The following SIGLEC15 variants were observed in gnomAD, a reference collection of about 807,000 sequenced individuals.
The protein encoded by SIGLEC15 is sialic acid binding Ig like lectin 15.
SIGLEC15 carries 31 observed loss-of-function variants against 26.2 expected under a neutral mutation model. The observed-to-expected ratio is 1.18, with a 90% CI of 0.89 to 1.60. The LOEUF (loss-of-function observed/expected upper bound fraction) is 1.60. Among genes scored for constraint, SIGLEC15 ranks in the 40% most tolerant of loss-of-function variants. The pLI, the probability that SIGLEC15 is intolerant of heterozygous loss-of-function variation, is 0.00. For missense variants in SIGLEC15, 501 were observed against 488.4 expected (o/e 1.03, Z -0.24); for synonymous variants, 207 against 221.9 (o/e 0.93, Z 0.60).
At chr18:45,829,777 T>A (rs1314213644) in intron 1 of SIGLEC15, among the ~76,000 whole-genome samples, 1 of 152,122 alleles carries the variant, frequency 6.6e-6, no homozygotes, top group Non-Finnish European at 1.5e-5. Flanking sequence ...CCTGAGGGAC[T>A]CCAGCTCTGA....
rs2048297269 is a variant in SIGLEC15, at chr18:45,838,722, G to A, written c.501G>A (p.Ala167=). The A allele has an allele frequency of 6.4e-7, 1 of 1,574,312 alleles. No individual in the cohort carries two copies. The highest frequency in any genetic ancestry group is 8.6e-7 in the Non-Finnish European group (1 of 1,169,420). The change falls in exon 4 of 6, where the codon GCG becomes GCA. Residue 167 remains alanine, a synonymous_variant. Coordinates refer to ENST00000389474, the MANE Select transcript of SIGLEC15 (RefSeq NM_213602.3). ...RHGVRLHVTA[A]PRIVNISVLP... is the part of the protein sequence containing the mutation. ...CACCCGCCTTCTCCCCTGCAGCCGC[G>A]CCGCGGATCGTCAACATCTCGGTGC... is the stretch of plus-strand genomic sequence containing the variant.
Position 45,843,653 on chromosome 18 carries a change from T to A in SIGLEC15, c.*1466T>A, listed in dbSNP as rs534543. 3.9e-5 allele frequency: 6 copies of A among 152,108 alleles called. No homozygotes were observed. Among genetic ancestry groups the A allele is most frequent in the African/African-American group, 1.5e-4 (6 of 41,376 alleles). The allele number at this position is 152,108 out of a possible 1,614,324, so 9.4% of individuals were successfully genotyped here. A position where few individuals can be genotyped will look rare whatever the true frequency, so the allele number is the denominator to read the frequency against. On this transcript the variant is annotated 3_prime_UTR_variant, in exon 6 of 6. Coordinates refer to ENST00000389474, the MANE Select transcript of SIGLEC15 (RefSeq NM_213602.3). ...CAGCACCCTGGGAGGCCGAGGCAGGTGGATCACTTGAGGTCAGGAGTTCGA... is the reference window on the plus strand; with the variant it reads ...CAGCACCCTGGGAGGCCGAGGCAGGAGGATCACTTGAGGTCAGGAGTTCGA...
chr18:45,837,990 G>A, intron 3 of SIGLEC15, 94 bp downstream of exon 3: 1 of 1,365,972 alleles, frequency 7.3e-7, no homozygotes, highest in Non-Finnish European at 9.4e-7. Flanking sequence ...GCTGTGCTGA[G>A]CCAGGAAGGG....
chr18:45,833,243 C>T (rs1031096177), intron 1 of SIGLEC15, among the ~76,000 whole-genome samples: 5 of 152,286 alleles, frequency 3.3e-5, no homozygotes, highest in Admixed American at 2.0e-4. Flanking sequence ...CTGCAAACCC[C>T]AGTTTCCCCT....
chr18:45,827,986 T>G (rs895638372), intron 1 of SIGLEC15, among the ~76,000 whole-genome samples: 2 of 152,208 alleles, frequency 1.3e-5, no homozygotes. Context: ...AAAGTCATTT[T>G]CTTTACAAAC....
chr18:45,825,805 C>A (rs1463878096), intron 1 of SIGLEC15, 25 bp downstream of exon 1: 22 of 1,613,822 alleles, frequency 1.4e-5, no homozygotes, highest in Non-Finnish European at 1.7e-5. Flanking sequence ...CTCTCTCTGG[C>A]CCATGCTCGG....
In SIGLEC15 at chr18:45,838,871, G is replaced by C; in HGVS notation, c.650G>C (p.Gly217Ala). Residue 217 changes from glycine to alanine, a missense_variant, in exon 4 of 6, where the codon GGT becomes GCT. Transcript: ENST00000389474. ...GCAGCCGTGCGGAGCCCGCGTGAGGGTCACGGCCACCTAGTGACCGCCGAA... is the reference window on the plus strand; with the variant it reads ...GCAGCCGTGCGGAGCCCGCGTGAGGCTCACGGCCACCTAGTGACCGCCGAA... ...SLAAVRSPRE[G>A]HGHLVTAELP... The C allele has an allele frequency of 2.5e-6, 4 of 1,587,680 alleles. No individual in the cohort carries two copies. Among genetic ancestry groups the C allele is most frequent in the Non-Finnish European group, 3.4e-6 (4 of 1,171,740 alleles).
chr18:45,830,674 C>T (rs2048227815), intron 1 of SIGLEC15, among the ~76,000 whole-genome samples: 1 of 145,906 alleles, frequency 6.9e-6, no homozygotes, highest in South Asian at 2.2e-4. Flanking sequence ...CAACCTCCGC[C>T]TCCCAGGTTC....
intron 1 of SIGLEC15, among the ~76,000 whole-genome samples, chr18:45,830,583 C>CT (rs56404391): frequency 0.02 from 1,972 of 96,536 alleles, 189 homozygotes; most frequent in African/African-American, 0.057. Context: ...ATTTTTCTTT[C>CT]TTTTTTTTTT....
rs776812908 is a variant in SIGLEC15 at position 45,839,016 on chromosome 18, C to G, written c.795C>G (p.Ala265=). 6.3e-7 allele frequency: 1 copy of G among 1,587,066 alleles called. No homozygotes were observed. The highest frequency in any genetic ancestry group is 8.5e-7 in the Non-Finnish European group (1 of 1,173,494). ...GCGCCAGCGGGGCCTCGACGGTCGC[C>G]CTCCTGCTCGGCGCTCTCGGCTTCA... ...FHGASGASTV[A]LLLGALGFKA... The change falls in exon 4 of 6, where the codon GCC becomes GCG. Residue 265 remains alanine (A), a synonymous_variant. Coordinates refer to ENST00000389474, the MANE Select transcript of SIGLEC15 (RefSeq NM_213602.3).
At chr18:45,828,252 G>A (rs1439159949) in intron 1 of SIGLEC15, among the ~76,000 whole-genome samples, 3 of 152,176 alleles carry the variant, frequency 2.0e-5, no homozygotes. Flanking sequence ...CCCTTGGTGA[G>A]AGAAAAGTGG....
At chr18:45,837,446 C>T in intron 2 of SIGLEC15, 67 bp from the exon 3 acceptor site, 1 of 1,416,852 alleles carries the variant, frequency 7.1e-7, no homozygotes, top group Admixed American at 3.2e-5. Context: ...CGTGGGGTTT[C>T]CAGGCCCCGG....
intron 1 of SIGLEC15, among the ~76,000 whole-genome samples, chr18:45,835,038 G>A (rs897033209): frequency 2.0e-5 from 3 of 152,024 alleles, no homozygotes; most frequent in African/African-American, 7.3e-5. Flanking sequence ...AAAATGTTAG[G>A]TCCTCCACTC....
At chr18:45,826,045 C>T (rs2048182735) in intron 1 of SIGLEC15, among the ~76,000 whole-genome samples, 1 of 152,160 alleles carries the variant, frequency 6.6e-6, no homozygotes, top group African/African-American at 2.4e-5. Flanking sequence ...CTTGCCCCAC[C>T]CATTGCTGCG....
intron 1 of SIGLEC15, 36 bp from the exon 2 acceptor site, chr18:45,836,993 C>A: frequency 2.8e-6 from 3 of 1,068,048 alleles, no homozygotes; most frequent in South Asian, 1.3e-5. Context: ...TCAGTTTATT[C>A]ACGTGTAACC....
At chr18:45,830,752 ATTTTT>A (rs34498635) in intron 1 of SIGLEC15, among the ~76,000 whole-genome samples, 24 of 118,124 alleles carry the variant, frequency 2.0e-4, no homozygotes, top group African/African-American at 6.4e-4. Flanking sequence ...TGCCAGGCTA[ATTTTT>A]TTTTTTTTTT....
In SIGLEC15 at chr18:45,837,516, C is replaced by A; in HGVS notation, c.116C>A (p.Ser39Ter). ...ACGCAGCCCGCCCCGCCCTCAGGCT[C>A]GCCAGCGCAGCGCTGGTCCATGCAG... Reference protein sequence around the residue: ...ENLLNTEVHSSPAQRWSMQVP... With the variant: ...ENLLNTEVHS Residue 39 changes from serine (S) to a stop codon, truncating the protein, a stop_gained, in exon 3 of 6, where the codon TCG becomes TAG. Transcript: ENST00000389474. LOFTEE classifies it high-confidence loss of function. The A allele has an allele frequency of 6.7e-7, 1 of 1,495,112 alleles. No homozygotes were observed. The highest frequency in any genetic ancestry group is 8.8e-7 in the Non-Finnish European group (1 of 1,131,292). The allele number at this position is 1,495,112 out of a possible 1,614,324, so 92.6% of individuals were successfully genotyped here.
chr18:45,837,420 G>A, intron 2 of SIGLEC15, 93 bp from the exon 3 acceptor site: 2 of 1,385,854 alleles, frequency 1.4e-6, no homozygotes, highest in South Asian at 1.6e-5. Context: ...AGGGGTTGGG[G>A]GAGCGTTTCC....
chr18:45,839,618 CCTCTGGTGGGG>C (rs1171548819), intron 4 of SIGLEC15, among the ~76,000 whole-genome samples: 3 of 152,156 alleles, frequency 2.0e-5, no homozygotes, highest in Non-Finnish European at 4.4e-5. Context: ...GGTATGCCTC[CCTCTGGTGGGG>C]CATCTGGAGA....
Sources: allele counts gnomAD v4.1 joint callset (sites outside exome capture counted in the v4.1 genomes callset), GRCh38; gene constraint gnomAD v4.1.1; transcripts MANE v1.5; gene names NCBI Gene and HGNC (gene_info 2026-07-23, HGNC 2026-07-21).